Variants in EPB41 observed in about 807,000 individuals in gnomAD.
The protein encoded by EPB41 is protein 4.1.
In EPB41, 65 loss-of-function variants were observed where a neutral mutation model predicts 108.0. The ratio of observed to expected loss-of-function variants is 0.60; its 90% CI spans 0.49 to 0.74. The LOEUF (loss-of-function observed/expected upper bound fraction) is 0.74. EPB41 is among the 30% of genes least tolerant of loss of function. The probability of loss-of-function intolerance (pLI) is 0.00; values close to 1 mark genes in which losing one functional copy is unlikely to be tolerated. For missense variants in EPB41, 875 were observed against 1,037.0 expected (o/e 0.84, Z 2.15); for synonymous variants, 336 against 358.9 (o/e 0.94, Z 0.72).
At chr1:28,921,953 T>C (rs2093113595) in intron 1 of EPB41, among the ~76,000 whole-genome samples, 1 of 119,036 alleles carries the variant, frequency 8.4e-6, no homozygotes, top group Non-Finnish European at 1.6e-5. Context: ...TATATATATA[T>C]ATATATATAC....
intron 7 of EPB41, among the ~76,000 whole-genome samples, chr1:29,022,347 C>A (rs1217503923): frequency 1.6e-5 from 2 of 124,690 alleles, no homozygotes; most frequent in African/African-American, 6.2e-5. Context: ...TGAAAATTAT[C>A]TTTAAGAAAC....
Position 28,987,435 on chromosome 1 carries a change from A to G in EPB41, c.-3A>G, listed in dbSNP as rs747028341. The G allele has an allele frequency of 4.3e-6, 7 of 1,614,072 alleles. No homozygotes were observed. Among genetic ancestry groups the G allele is most frequent in the Middle Eastern group, 1.6e-4 (1 of 6,062 alleles). ...TTTCTATCTTCTTTTTAATAGCAAC[A>G]TCATGACAACAGAGAAGAGTTTAGT... On this transcript the variant is annotated 5_prime_UTR_variant, in exon 2 of 21. Coordinates refer to ENST00000343067, the MANE Select transcript of EPB41 (RefSeq NM_001376013.1).
At position 29,090,235 on chromosome 1, in the gene EPB41, C is replaced by G. The variant is rs190063669; in HGVS notation, c.2185-7572C>G. Among the ~76,000 whole-genome samples the G allele has an allele frequency of 1.1e-3, 161 of 152,228 alleles. 2 individuals are homozygous for G. Among genetic ancestry groups the G allele is most frequent in the Admixed American group, 2.2e-3 (33 of 15,288 alleles). On this transcript the variant is annotated intron_variant, in intron 16 of 20. Transcript: ENST00000343067. ...TCAAGATTGCACCACTCTACTCCAG[C>G]CTGGGCGAAGAGCTTGAACAAAGGT...
upstream of EPB41, chr1:28,911,068 G>A (rs150661094): frequency 3.2e-4 from 316 of 985,344 alleles, 5 homozygotes; most frequent in East Asian, 0.024. Flanking sequence ...CTGGATACCT[G>A]GTTTGCAGAA....
At chr1:28,930,332 A>G (rs1270654847) in intron 1 of EPB41, among the ~76,000 whole-genome samples, 1 of 151,006 alleles carries the variant, frequency 6.6e-6, no homozygotes, top group East Asian at 1.9e-4. Flanking sequence ...ATTAAAAAAA[A>G]AAAAATTTTT....
At position 29,080,787 on chromosome 1, in the gene EPB41, A is replaced by G. The variant is rs552476700; in HGVS notation, c.2184+15629A>G. Among the ~76,000 whole-genome samples the G allele has an allele frequency of 3.9e-5, 6 of 152,328 alleles. No homozygotes were observed. In the East Asian group the frequency reaches 1.2e-3, roughly 29 times the overall value. On this transcript the variant is annotated intron_variant, in intron 16 of 20. Coordinates refer to ENST00000343067, the MANE Select transcript of EPB41 (RefSeq NM_001376013.1). ...TAATACTTAGCTGAGTAAATTAATT[A>G]TTCATTAACAATTCAGCATGATATT... is the stretch of plus-strand genomic sequence containing the variant.
chr1:28,895,141 G>A (rs1033261242), intron 1 of EPB41, among the ~76,000 whole-genome samples: 2 of 152,134 alleles, frequency 1.3e-5, no homozygotes, highest in Admixed American at 1.3e-4. Context: ...GAAAATAGGT[G>A]GATTAGGCAT....
chr1:29,056,713 A>G (rs1244578954), intron 12 of EPB41, among the ~76,000 whole-genome samples: 2 of 152,000 alleles, frequency 1.3e-5, no homozygotes, highest in African/African-American at 4.8e-5. Flanking sequence ...TTTGGTAGAG[A>G]CAAGGTTTCA....
In EPB41 at chr1:29,018,830, A is replaced by C. The variant is rs995068411; in HGVS notation, c.1124+388A>C. On this transcript the variant is annotated intron_variant, in intron 7 of 20. Transcript: ENST00000343067. This position sits in a 1 kb window ranked among gnomAD's most constrained non-coding sequence, Gnocchi z 4.4. ...GGGGTTTTTAATTTGAGATCTTTATACATGGATAGATTTCAGAGGGCCCGT... is the reference window on the plus strand; with the variant it reads ...GGGGTTTTTAATTTGAGATCTTTATCCATGGATAGATTTCAGAGGGCCCGT... 7.2e-5 allele frequency among the ~76,000 whole-genome samples: 11 copies of C among 152,126 alleles called. No individual in the cohort carries two copies. The highest frequency in any genetic ancestry group is 7.4e-5 in the Non-Finnish European group (5 of 68,016).
chr1:29,087,281 C>T (rs1659446203), intron 16 of EPB41, among the ~76,000 whole-genome samples: 1 of 151,882 alleles, frequency 6.6e-6, no homozygotes, highest in Admixed American at 6.6e-5. Flanking sequence ...TATGTAAATC[C>T]TTACTTCAAA....
At position 28,982,920 on chromosome 1, in the gene EPB41, AT is replaced by A. The variant is rs1021638233; in HGVS notation, c.-7-4502del. Among the ~76,000 whole-genome samples the A allele has an allele frequency of 2.2e-4, 33 of 151,858 alleles. No homozygotes were observed. In the South Asian group the frequency reaches 3.3e-3, roughly 15 times the overall value. ...TAAAAATGTAAATACATATCTTTAA[AT>A]TTTTTTTTAAATTCCTTTTTCCAGA... On this transcript the variant is annotated intron_variant, in intron 1 of 20. Coordinates refer to ENST00000343067, the MANE Select transcript of EPB41 (RefSeq NM_001376013.1).
chr1:28,959,521 G>A (rs1052667324), intron 1 of EPB41, among the ~76,000 whole-genome samples: 1 of 151,972 alleles, frequency 6.6e-6, no homozygotes, highest in African/African-American at 2.4e-5. Flanking sequence ...CCAGCCAAAA[G>A]TTTGATCTTT....
At chr1:29,009,035 T>G (rs2096457599) in intron 4 of EPB41, among the ~76,000 whole-genome samples, 1 of 152,218 alleles carries the variant, frequency 6.6e-6, no homozygotes, top group Non-Finnish European at 1.5e-5. Context: ...TAGCACATAT[T>G]TTTTATCATT....
intron 1 of EPB41, among the ~76,000 whole-genome samples, chr1:28,899,219 T>A (rs2091029097): frequency 6.6e-6 from 1 of 152,172 alleles, no homozygotes; most frequent in Admixed American, 6.6e-5. Context: ...TGGCACCGAT[T>A]TTACCATAAA....
chr1:29,095,537 G>A (rs1324203295), intron 16 of EPB41, among the ~76,000 whole-genome samples: 7 of 152,270 alleles, frequency 4.6e-5, no homozygotes, highest in African/African-American at 9.6e-5. Flanking sequence ...GTGGGAGGCC[G>A]TGGTGGGAGG....
chr1:29,042,505 G>C (rs1173497543), intron 11 of EPB41, among the ~76,000 whole-genome samples: 2 of 151,834 alleles, frequency 1.3e-5, no homozygotes, highest in Non-Finnish European at 2.9e-5. Context: ...TTGAGACAGA[G>C]CCTCACTCTG....
In EPB41 at chr1:28,987,664, G is replaced by A. The variant is rs2095899445; in HGVS notation, c.227G>A (p.Ser76Asn). 1.2e-6 allele frequency: 2 copies of A among 1,614,234 alleles called. No individual in the cohort carries two copies. Among genetic ancestry groups the A allele is most frequent in the Non-Finnish European group, 1.7e-6 (2 of 1,180,048 alleles). Residue 76 changes from serine to asparagine, a missense_variant, in exon 2 of 21, where the codon AGC becomes AAC. By Grantham distance (46) the Ser-to-Asn change is conservative. Transcript: ENST00000343067. Reference protein sequence around the residue: ...LTKNKERTSESRGLSRLFSSF... With the variant: ...LTKNKERTSENRGLSRLFSSF... ...AAGAACAAGGAGCGGACATCAGAAA[G>A]CAGAGGACTTTCACGACTATTCTCC... is the stretch of plus-strand genomic sequence containing the variant.
In EPB41 at chr1:28,942,064, T is replaced by A. The variant is rs564193371; in HGVS notation, c.-8+27296T>A. Among the ~76,000 whole-genome samples, 15 of 152,280 alleles carry A rather than the reference T, an allele frequency of 9.9e-5. No individual in the cohort carries two copies. The East Asian group carries it at 2.9e-3, about 29-fold the overall frequency. On this transcript the variant is annotated intron_variant, in intron 1 of 20. Coordinates refer to ENST00000343067, the MANE Select transcript of EPB41 (RefSeq NM_001376013.1). ...TAAATATTTTGATGTTCCTTCTTTC[T>A]TTTCATAAATTTTTTATTTGGAAAA...
At chr1:28,966,510 A>C (rs1158511756) in intron 1 of EPB41, among the ~76,000 whole-genome samples, 1 of 152,204 alleles carries the variant, frequency 6.6e-6, no homozygotes, top group Non-Finnish European at 1.5e-5. Flanking sequence ...GCTCCAATGG[A>C]GTTTACATTC....
Sources: allele counts gnomAD v4.1 joint callset (sites outside exome capture counted in the v4.1 genomes callset), GRCh38; gene constraint gnomAD v4.1.1; non-coding constraint Gnocchi (gnomAD v3.1); transcripts MANE v1.5; gene names NCBI Gene and HGNC (gene_info 2026-07-23, HGNC 2026-07-21).